Variants in TMEM167A observed in about 807,000 individuals in gnomAD.
TMEM167A encodes the protein protein kish-A.
TMEM167A carries 8 observed loss-of-function variants against 11.6 expected under a neutral mutation model. The observed-to-expected ratio is 0.69, with a 90% CI of 0.40 to 1.24. The LOEUF (loss-of-function observed/expected upper bound fraction) is 1.24, where lower values mean the gene tolerates loss of function less well. Ranked by LOEUF, TMEM167A falls within the 50% of genes most tolerant of loss-of-function variation. The pLI is 0.01. For synonymous variants in TMEM167A, 22 were observed against 28.0 expected (o/e 0.79, Z 0.67); for missense variants, 62 against 87.0 (o/e 0.71, Z 1.14).
Position 83,070,593 on chromosome 5 carries a change from T to A in TMEM167A, c.4-5476A>T, listed in dbSNP as rs185574408. Among the ~76,000 whole-genome samples the A allele has an allele frequency of 1.3e-3, 195 of 152,266 alleles. 2 individuals carry two copies. The highest frequency in any genetic ancestry group is 4.4e-3 in the African/African-American group (182 of 41,556). ...TTTATTTGGCCACCACTACAGGAGA[T>A]GCAATAATTAATCAATGAATAGATG... On this transcript the variant is annotated intron_variant, in intron 1 of 3. Coordinates refer to ENST00000502346, the MANE Select transcript of TMEM167A (RefSeq NM_174909.5).
Position 83,055,890 on chromosome 5 carries a change from A to C in TMEM167A, c.*1194T>G, listed in dbSNP as rs536927294. The C allele has an allele frequency of 8.5e-5, 13 of 152,180 alleles. No homozygotes were observed. The highest frequency in any genetic ancestry group is 3.1e-4 in the African/African-American group (13 of 41,568). 9.4% of individuals were successfully genotyped at this position (152,180 alleles called of 1,614,324 possible). ...GCAAACAATCTAATTAATACTATCT[A>C]CAACAGGTAATTTTTAGCTAAGATT... is the stretch of plus-strand genomic sequence containing the variant. On this transcript the variant is annotated 3_prime_UTR_variant, in exon 4 of 4. Coordinates refer to ENST00000502346, the MANE Select transcript of TMEM167A (RefSeq NM_174909.5).
At chr5:83,070,596 A>G (rs952582981) in intron 1 of TMEM167A, among the ~76,000 whole-genome samples, 1 of 152,212 alleles carries the variant, frequency 6.6e-6, no homozygotes, top group Admixed American at 6.5e-5. Context: ...CAGGAGATGC[A>G]ATAATTAATC....
intron 1 of TMEM167A, among the ~76,000 whole-genome samples, chr5:83,071,112 T>C (rs1580177830): frequency 6.6e-6 from 1 of 152,130 alleles, no homozygotes; most frequent in Non-Finnish European, 1.5e-5. Context: ...CAGAAAGGGG[T>C]GACTAAATCT....
intron 1 of TMEM167A, among the ~76,000 whole-genome samples, chr5:83,065,874 A>G (rs536315131): frequency 2.6e-5 from 4 of 152,292 alleles, no homozygotes; most frequent in South Asian, 4.1e-4. Context: ...TTTCCAGTTA[A>G]AGTAAATGGA....
intron 2 of TMEM167A, among the ~76,000 whole-genome samples, chr5:83,062,793 C>T (rs1020540145): frequency 6.7e-6 from 1 of 149,796 alleles, no homozygotes; most frequent in Non-Finnish European, 1.5e-5. Context: ...TACGTAAATT[C>T]GAATTATTAT....
intron 3 of TMEM167A, 116 bp from the exon 4 acceptor site, chr5:83,057,270 G>C: frequency 1.2e-6 from 1 of 860,658 alleles, no homozygotes. Context: ...CCCGCACATT[G>C]GGGGTGGGGC....
chr5:83,077,166 G>C (rs1179282287), intron 1 of TMEM167A, among the ~76,000 whole-genome samples, 155 bp downstream of exon 1: 1 of 152,198 alleles, frequency 6.6e-6, no homozygotes, highest in Non-Finnish European at 1.5e-5. Flanking sequence ...AGTCCGTCCT[G>C]ATTCTCTCTG....
intron 1 of TMEM167A, among the ~76,000 whole-genome samples, chr5:83,068,209 G>A (rs1744511284): frequency 6.6e-6 from 1 of 152,048 alleles, no homozygotes; most frequent in South Asian, 2.1e-4. Flanking sequence ...AACTAAATGT[G>A]TATTTGGTAT....
chr5:83,077,200 GC>G (rs1221621741), intron 1 of TMEM167A, 120 bp downstream of exon 1: 1 of 1,428,372 alleles, frequency 7.0e-7, no homozygotes, highest in African/African-American at 1.4e-5. Context: ...GGACCACATG[GC>G]TCCAAGGCCT....
intron 1 of TMEM167A, among the ~76,000 whole-genome samples, chr5:83,067,518 G>A (rs1744500515): frequency 6.6e-6 from 1 of 151,962 alleles, no homozygotes; most frequent in African/African-American, 2.4e-5. Flanking sequence ...TTGGTGGGGG[G>A]TGGAGGGACA....
intron 1 of TMEM167A, among the ~76,000 whole-genome samples, chr5:83,073,135 C>T (rs1307430290): frequency 1.3e-5 from 2 of 152,204 alleles, no homozygotes; most frequent in African/African-American, 4.8e-5. Context: ...AATCTTAGCT[C>T]TGCTATTTAT....
At chr5:83,075,038 G>T (rs1744620986) in intron 1 of TMEM167A, among the ~76,000 whole-genome samples, 1 of 152,156 alleles carries the variant, frequency 6.6e-6, no homozygotes, top group East Asian at 1.9e-4. Flanking sequence ...CCAAAGTGCT[G>T]AGATTACAGG....
chr5:83,068,415 G>A (rs1037610922), intron 1 of TMEM167A, among the ~76,000 whole-genome samples: 2 of 152,098 alleles, frequency 1.3e-5, no homozygotes, highest in African/African-American at 4.8e-5. Flanking sequence ...TTTTATACAT[G>A]AGACTGAGGC....
chr5:83,071,712 T>C (rs1321024671), intron 1 of TMEM167A, among the ~76,000 whole-genome samples: 1 of 152,196 alleles, frequency 6.6e-6, no homozygotes, highest in Non-Finnish European at 1.5e-5. Flanking sequence ...GCTTATCACG[T>C]GGTAGGGTGA....
At chr5:83,073,220 C>T (rs986043794) in intron 1 of TMEM167A, among the ~76,000 whole-genome samples, 10 of 152,014 alleles carry the variant, frequency 6.6e-5, no homozygotes, top group South Asian at 4.1e-4. Context: ...GCCAATAATA[C>T]GACTTTAATA....
chr5:83,076,331 T>C (rs3763065), intron 1 of TMEM167A, among the ~76,000 whole-genome samples: 2,827 of 152,360 alleles, frequency 0.019, 70 homozygotes, highest in African/African-American at 0.062. Context: ...AGATAGTTTA[T>C]ATACTGTTGA....
At chr5:83,058,303 T>C (rs1744360986) in intron 3 of TMEM167A, among the ~76,000 whole-genome samples, 1 of 152,080 alleles carries the variant, frequency 6.6e-6, no homozygotes, top group Non-Finnish European at 1.5e-5. Context: ...TTAATTTCCA[T>C]AGAAAATATT....
intron 1 of TMEM167A, among the ~76,000 whole-genome samples, chr5:83,074,580 G>GT (rs1444393308): frequency 6.6e-6 from 1 of 152,122 alleles, no homozygotes; most frequent in African/African-American, 2.4e-5. Flanking sequence ...CTCCCTTAGA[G>GT]TTAACCAAGT....
chr5:83,064,773 C>T (rs1744458159), intron 2 of TMEM167A, among the ~76,000 whole-genome samples: 1 of 151,948 alleles, frequency 6.6e-6, no homozygotes, highest in East Asian at 1.9e-4. Flanking sequence ...AGGTTAAATC[C>T]CTCATGCGAT....
Sources: gnomAD v4.1 joint callset for allele counts (sites outside exome capture counted in the v4.1 genomes callset) on GRCh38, gnomAD v4.1.1 for gene constraint, MANE v1.5 for transcripts, NCBI Gene and HGNC (gene_info 2026-07-23, HGNC 2026-07-21) for gene names.